CSMD1: variants seen among roughly 807,000 people sequenced by gnomAD.
CSMD1 encodes the protein CUB and sushi domain-containing protein 1.
Under a neutral mutation model 417.5 loss-of-function variants are expected in CSMD1, and 213 were observed. That is an observed-to-expected ratio of 0.51 (90% CI 0.46 to 0.57). The LOEUF (loss-of-function observed/expected upper bound fraction) is 0.57, where lower values mean the gene tolerates loss of function less well. Ranked by LOEUF, CSMD1 falls within the 20% of genes least tolerant of loss-of-function variation. The pLI, the probability that CSMD1 is intolerant of heterozygous loss-of-function variation, is 0.00. For missense variants in CSMD1, 6,923 were observed against 4,529.7 expected (o/e 1.53, Z -15.17); for synonymous variants, 2,862 against 1,736.8 (o/e 1.65, Z -16.11).
chr8:3,924,040 T>C (rs932011925), intron 5 of CSMD1, among the ~76,000 whole-genome samples: 5 of 152,232 alleles, frequency 3.3e-5, no homozygotes, highest in Admixed American at 6.5e-5. Context: ...TTCATTTCAA[T>C]TTGAAGGACT....
intron 25 of CSMD1, among the ~76,000 whole-genome samples, chr8:3,290,108 G>C (rs112576371): frequency 0.27 from 39,002 of 143,800 alleles, 6,918 homozygotes; most frequent in South Asian, 0.48. Flanking sequence ...GCTTGTTTTT[G>C]TCAGGTTTGT....
At chr8:3,048,234 G>A (rs1285222462) in intron 50 of CSMD1, among the ~76,000 whole-genome samples, 1 of 152,086 alleles carries the variant, frequency 6.6e-6, no homozygotes. Flanking sequence ...GACCGATCTT[G>A]TAGGAAACTG....
At chr8:3,713,548 C>T (rs1291779986) in intron 6 of CSMD1, among the ~76,000 whole-genome samples, 1 of 152,110 alleles carries the variant, frequency 6.6e-6, no homozygotes, top group African/African-American at 2.4e-5. Flanking sequence ...CCTCAAGATC[C>T]ACTGAACTTC....
At chr8:4,427,027 A>G (rs1345379603) in intron 2 of CSMD1, among the ~76,000 whole-genome samples, 4 of 152,218 alleles carry the variant, frequency 2.6e-5, no homozygotes, top group East Asian at 3.9e-4. Flanking sequence ...TCATGTCCCC[A>G]CGAGAACTGG....
intron 26 of CSMD1, among the ~76,000 whole-genome samples, chr8:3,276,408 A>G (rs1388091988): frequency 2.0e-5 from 3 of 152,190 alleles, no homozygotes; most frequent in Admixed American, 2.0e-4. Flanking sequence ...CTATTCGTTC[A>G]TCTTGGCTTC....
At chr8:4,149,986 A>C (rs983750639) in intron 3 of CSMD1, among the ~76,000 whole-genome samples, 1 of 152,214 alleles carries the variant, frequency 6.6e-6, no homozygotes, top group African/African-American at 2.4e-5. Context: ...TGTCACAGAG[A>C]AGTCAGAGAG....
intron 26 of CSMD1, among the ~76,000 whole-genome samples, chr8:3,230,526 A>G (rs1325328835): frequency 6.6e-6 from 1 of 152,200 alleles, no homozygotes; most frequent in Non-Finnish European, 1.5e-5. Flanking sequence ...ATAAATACAT[A>G]CATACACACA....
At position 3,383,126 on chromosome 8, in the gene CSMD1, T is replaced by C. The variant is rs1447732695; in HGVS notation, c.2782+4368A>G. 3.3e-5 allele frequency among the ~76,000 whole-genome samples: 5 copies of C among 152,194 alleles called. No homozygotes were observed. The South Asian group carries it at 6.2e-4, about 19-fold the overall frequency. ...ACAAATCCACAAATTTTTAGATGGA[T>C]TGAAGTTATAAATTTAAAAGATAAA... is the stretch of plus-strand genomic sequence containing the variant. On this transcript the variant is annotated intron_variant, in intron 18 of 69. Transcript: ENST00000635120.
chr8:4,725,112 G>A (rs187999882), intron 1 of CSMD1, among the ~76,000 whole-genome samples: 1 of 151,994 alleles, frequency 6.6e-6, no homozygotes, highest in Non-Finnish European at 1.5e-5. Context: ...AATGTATCCT[G>A]AAAGGTATAT....
chr8:3,861,120 C>G (rs560101879), intron 5 of CSMD1, among the ~76,000 whole-genome samples: 68 of 152,266 alleles, frequency 4.5e-4, no homozygotes, highest in African/African-American at 1.3e-3. Flanking sequence ...ACGTGGCTTT[C>G]TATCATATGC....
intron 3 of CSMD1, among the ~76,000 whole-genome samples, chr8:4,256,291 A>G (rs188514148): frequency 6.6e-6 from 1 of 152,314 alleles, no homozygotes; most frequent in Non-Finnish European, 1.5e-5. Flanking sequence ...CTTATGATGC[A>G]GAGTGAAATG....
intron 12 of CSMD1, among the ~76,000 whole-genome samples, chr8:3,438,174 T>C (rs894716022): frequency 8.5e-5 from 13 of 152,208 alleles, no homozygotes; most frequent in African/African-American, 1.2e-4. Flanking sequence ...TTTTAACAAA[T>C]TTTTGAATTT....
intron 1 of CSMD1, among the ~76,000 whole-genome samples, chr8:4,874,131 T>C (rs1034835559): frequency 7.2e-5 from 11 of 152,106 alleles, no homozygotes; most frequent in Non-Finnish European, 1.2e-4. Context: ...CAGCTACTGA[T>C]AGATAACTTT....
chr8:4,473,448 A>T (rs1438948026), intron 2 of CSMD1, among the ~76,000 whole-genome samples: 1 of 152,172 alleles, frequency 6.6e-6, no homozygotes, highest in Non-Finnish European at 1.5e-5. Flanking sequence ...TTTGTTTCAT[A>T]AGCAAGGATT....
chr8:3,621,376 G>T (rs911874830), intron 7 of CSMD1, among the ~76,000 whole-genome samples: 2 of 152,102 alleles, frequency 1.3e-5, no homozygotes, highest in Admixed American at 6.6e-5. Context: ...GGTTAAAAAC[G>T]AAGAGTAATC....
intron 1 of CSMD1, among the ~76,000 whole-genome samples, chr8:4,748,095 T>C (rs983530588): frequency 7.9e-5 from 12 of 152,280 alleles, no homozygotes; most frequent in African/African-American, 2.4e-4. Context: ...ATATGACTGA[T>C]GAAAATCCTT....
At chr8:3,159,670 C>T (rs148173874) in intron 38 of CSMD1, among the ~76,000 whole-genome samples, 1 of 152,276 alleles carries the variant, frequency 6.6e-6, no homozygotes, top group Non-Finnish European at 1.5e-5. Context: ...CAGCAGCTTG[C>T]AAACTCAAAG....
intron 1 of CSMD1, among the ~76,000 whole-genome samples, chr8:4,860,427 T>C (rs1352523415): frequency 6.7e-6 from 1 of 150,290 alleles, no homozygotes; most frequent in African/African-American, 2.4e-5. Flanking sequence ...AAAAAAAGTG[T>C]GTGCCACTCC....
chr8:4,316,665 A>G (rs1488636065), intron 3 of CSMD1, among the ~76,000 whole-genome samples: 1 of 151,994 alleles, frequency 6.6e-6, no homozygotes. Flanking sequence ...AAGATGAAGG[A>G]CTCAAATGCA....
Sources: allele counts gnomAD v4.1 joint callset (sites outside exome capture counted in the v4.1 genomes callset), GRCh38; gene constraint gnomAD v4.1.1; transcripts MANE v1.5; gene names NCBI Gene and HGNC (gene_info 2026-07-23, HGNC 2026-07-21).